NAB1: variants seen among roughly 807,000 people sequenced by gnomAD.
The protein encoded by NAB1 is NGFI-A binding protein 1.
In NAB1, 25 loss-of-function variants were observed where a neutral mutation model predicts 49.9. The ratio of observed to expected loss-of-function variants is 0.50; its 90% CI spans 0.37 to 0.70. NAB1 has a LOEUF of 0.70. Among genes scored for constraint, NAB1 ranks in the 30% least tolerant of loss-of-function variants. NAB1 has a pLI of 0.00. For missense variants in NAB1, 489 were observed against 575.9 expected (o/e 0.85, Z 1.54); for synonymous variants, 198 against 215.6 (o/e 0.92, Z 0.71).
Position 190,659,064 on chromosome 2 carries a change from G to GT in NAB1, c.-19-89dup. ...GGCAGTCACGATGCAGATGCTTCTCGTTTTTGTTCTTAAAACCTGTAGTGT... is the reference window on the plus strand; with the variant it reads ...GGCAGTCACGATGCAGATGCTTCTCGTTTTTTGTTCTTAAAACCTGTAGTGT... On this transcript the variant is annotated intron_variant, in intron 3 of 9. Transcript: ENST00000337386. The surrounding 1 kb of genome is among the most constrained non-coding windows in gnomAD (Gnocchi z 6.2). The GT allele has an allele frequency of 1.3e-6, 1 of 786,156 alleles. No individual in the cohort carries two copies. Among genetic ancestry groups the GT allele is most frequent in the Non-Finnish European group, 2.0e-6 (1 of 504,248 alleles). The allele number at this position is 786,156 out of a possible 1,614,324, so 48.7% of individuals were successfully genotyped here.
intron 5 of NAB1, among the ~76,000 whole-genome samples, chr2:190,671,240 CACATTCTTTGGGGATGGA>C (rs1430439255): frequency 2.6e-5 from 4 of 152,148 alleles, no homozygotes; most frequent in Non-Finnish European, 1.5e-5. Flanking sequence ...CCTAATCAAT[CACATTCTTTGGGGATGGA>C]ACTCTGGAAT....
intron 4 of NAB1, among the ~76,000 whole-genome samples, chr2:190,664,996 A>T (rs965041451): frequency 9.2e-5 from 14 of 152,052 alleles, no homozygotes; most frequent in Non-Finnish European, 5.9e-5. Context: ...GCTTCCTTCT[A>T]TCGAAAGCTC....
chr2:190,673,984 CT>C, intron 6 of NAB1, among the ~76,000 whole-genome samples: 1 of 152,266 alleles, frequency 6.6e-6, no homozygotes, highest in South Asian at 2.1e-4. Flanking sequence ...CTTAGCCATC[CT>C]ATTATTTAAT....
At chr2:190,662,145 T>G (rs1340069332) in intron 4 of NAB1, among the ~76,000 whole-genome samples, 2 of 152,188 alleles carry the variant, frequency 1.3e-5, no homozygotes, top group East Asian at 3.8e-4. Flanking sequence ...GAGGATTTTC[T>G]TCATATAAAT....
Position 190,673,584 on chromosome 2 carries a change from AT to A in NAB1, c.1005+435del, listed in dbSNP as rs1694928329. 2.6e-5 allele frequency among the ~76,000 whole-genome samples: 4 copies of A among 152,306 alleles called. No homozygotes were observed. In the South Asian group the frequency reaches 8.3e-4, roughly 32 times the overall value. On this transcript the variant is annotated intron_variant, in intron 6 of 9. Transcript: ENST00000337386. ...GATTTGCAATCGGTGTTTCTTACAG[AT>A]TTAAAACTTCACGGGTTAAACCATT...
chr2:190,685,775 G>T lies in NAB1; in HGVS notation c.1258+137G>T, dbSNP rs1574480736. 1.3e-5 allele frequency: 10 copies of T among 751,280 alleles called. No homozygotes were observed. In the East Asian group the frequency reaches 2.4e-4, roughly 18 times the overall value. 46.5% of individuals were successfully genotyped at this position (751,280 alleles called of 1,614,324 possible). A position where few individuals can be genotyped will look rare whatever the true frequency, so the allele number is the denominator to read the frequency against. ...GGTTCTCTTATCAAAATTATTTTTT[G>T]AATTCTTCATTTTTCTAAAAAGATA... On this transcript the variant is annotated intron_variant, in intron 8 of 9. Transcript: ENST00000337386. This position sits in a 1 kb window ranked among gnomAD's most constrained non-coding sequence, Gnocchi z 4.5.
At chr2:190,671,269 C>T (rs1211854619) in intron 5 of NAB1, among the ~76,000 whole-genome samples, 1 of 152,182 alleles carries the variant, frequency 6.6e-6, no homozygotes, top group African/African-American at 2.4e-5. Flanking sequence ...ACTCTGGAAT[C>T]TGAACTTTCA....
Position 190,675,800 on chromosome 2 carries a change from C to G in NAB1, c.1005+2648C>G, listed in dbSNP as rs1278745110. Among the ~76,000 whole-genome samples, 1 of 152,064 alleles carries G rather than the reference C, an allele frequency of 6.6e-6. No homozygotes were observed. The highest frequency in any genetic ancestry group is 2.4e-5 in the African/African-American group (1 of 41,412). Reference sequence around the variant, plus strand: ...TTGTTGGTTTGTTTTTAATTTTGTTCTGTTCCTCTTTCTTAAAAAGCACTT... The same window carrying G: ...TTGTTGGTTTGTTTTTAATTTTGTTGTGTTCCTCTTTCTTAAAAAGCACTT... On this transcript the variant is annotated intron_variant, in intron 6 of 9. Coordinates refer to ENST00000337386, the MANE Select transcript of NAB1 (RefSeq NM_005966.4). This position sits in a 1 kb window ranked among gnomAD's most constrained non-coding sequence, Gnocchi z 5.2.
rs768338741 is a variant in NAB1 at position 190,680,343 on chromosome 2, A to G, written c.1006-3395A>G. On this transcript the variant is annotated intron_variant, in intron 6 of 9. Transcript: ENST00000337386. The surrounding 1 kb of genome is among the most constrained non-coding windows in gnomAD (Gnocchi z 5.2). ...CTCACCACTCCCTCTTTTTCAGTGT[A>G]TATTGAATATTTTCCGGCTTCCCAG... 2.0e-5 allele frequency among the ~76,000 whole-genome samples: 3 copies of G among 152,266 alleles called. No individual in the cohort carries two copies. The Middle Eastern group carries it at 0.01, about 518-fold the overall frequency.
Position 190,685,802 on chromosome 2 carries a change from T to G in NAB1, c.1258+164T>G, listed in dbSNP as rs139242335. On this transcript the variant is annotated intron_variant, in intron 8 of 9. Transcript: ENST00000337386. The surrounding 1 kb of genome is among the most constrained non-coding windows in gnomAD (Gnocchi z 4.5). Reference sequence around the variant, plus strand: ...ATTCTTCATTTTTCTAAAAAGATAATTTATCCTGCAAATTTTAATTTGTAA... The same window carrying G: ...ATTCTTCATTTTTCTAAAAAGATAAGTTATCCTGCAAATTTTAATTTGTAA... The G allele has an allele frequency of 2.1e-5, 13 of 606,928 alleles. No homozygotes were observed. The highest frequency in any genetic ancestry group is 5.0e-4 in the Middle Eastern group (1 of 1,994). 37.6% of individuals were successfully genotyped at this position (606,928 alleles called of 1,614,324 possible).
rs1319695659 is a variant in NAB1 at position 190,666,517 on chromosome 2, G to A, written c.820-3809G>A. 4.6e-5 allele frequency among the ~76,000 whole-genome samples: 7 copies of A among 151,976 alleles called. No homozygotes were observed. The highest frequency in any genetic ancestry group is 1.5e-4 in the African/African-American group (6 of 41,344). On this transcript the variant is annotated intron_variant, in intron 4 of 9. Coordinates refer to ENST00000337386, the MANE Select transcript of NAB1 (RefSeq NM_005966.4). This position sits in a 1 kb window ranked among gnomAD's most constrained non-coding sequence, Gnocchi z 5.6. ...AGGTCAGGAGTTCGAGACCAGCCTG[G>A]CCAACATGATGAAACCCCGTCTGTA...
Position 190,670,025 on chromosome 2 carries a change from A to AT in NAB1, c.820-295dup, listed in dbSNP as rs1694725274. Among the ~76,000 whole-genome samples, 2 of 152,064 alleles carry AT rather than the reference A, an allele frequency of 1.3e-5. No individual in the cohort carries two copies. The highest frequency in any genetic ancestry group is 6.6e-5 in the Admixed American group (1 of 15,260). On this transcript the variant is annotated intron_variant, in intron 4 of 9. Transcript: ENST00000337386. This position sits in a 1 kb window ranked among gnomAD's most constrained non-coding sequence, Gnocchi z 5.3. Reference sequence around the variant, plus strand: ...TTTTTTTATAAGCGAGTTGCAGAATATTTTTTACTTTTTATTTTCCTTGTC... The same window carrying AT: ...TTTTTTTATAAGCGAGTTGCAGAATATTTTTTTACTTTTTATTTTCCTTGTC...
chr2:190,659,078 A>T lies in NAB1; in HGVS notation c.-19-80A>T. 1 of 920,754 alleles carries T rather than the reference A, an allele frequency of 1.1e-6. No homozygotes were observed. Among genetic ancestry groups the T allele is most frequent in the Non-Finnish European group, 1.6e-6 (1 of 622,330 alleles). The allele number at this position is 920,754 out of a possible 1,614,324, so 57.0% of individuals were successfully genotyped here. A position where few individuals can be genotyped will look rare whatever the true frequency, so the allele number is the denominator to read the frequency against. ...AGATGCTTCTCGTTTTTGTTCTTAAAACCTGTAGTGTAACCTATTTGGTGT... is the reference window on the plus strand; with the variant it reads ...AGATGCTTCTCGTTTTTGTTCTTAATACCTGTAGTGTAACCTATTTGGTGT... On this transcript the variant is annotated intron_variant, in intron 3 of 9. Coordinates refer to ENST00000337386, the MANE Select transcript of NAB1 (RefSeq NM_005966.4). This position sits in a 1 kb window ranked among gnomAD's most constrained non-coding sequence, Gnocchi z 6.2.
rs1442353784 is a variant in NAB1 at position 190,678,464 on chromosome 2, C to T, written c.1006-5274C>T. Among the ~76,000 whole-genome samples the T allele has an allele frequency of 6.6e-6, 1 of 152,202 alleles. No individual in the cohort carries two copies. Among genetic ancestry groups the T allele is most frequent in the Non-Finnish European group, 1.5e-5 (1 of 68,046 alleles). ...TGACTAACTGGACTGAGTGCTATTT[C>T]TCATTTGAGTTTTCTTCATTCGCTG... On this transcript the variant is annotated intron_variant, in intron 6 of 9. Coordinates refer to ENST00000337386, the MANE Select transcript of NAB1 (RefSeq NM_005966.4). This position sits in a 1 kb window ranked among gnomAD's most constrained non-coding sequence, Gnocchi z 4.9.
At position 190,649,111 on chromosome 2, in the gene NAB1, G is replaced by C. The variant is rs1376100974; in HGVS notation, c.-583G>C. On this transcript the variant is annotated 5_prime_UTR_variant, in exon 1 of 10. Coordinates refer to ENST00000337386, the MANE Select transcript of NAB1 (RefSeq NM_005966.4). The surrounding 1 kb of genome is among the most constrained non-coding windows in gnomAD (Gnocchi z 6.1). ...GCCGCCGCCCGCGCGCCGCAGCCTG[G>C]AGGAGCCGCCGCCGCCGCCGCGGCC... 7.5e-6 allele frequency: 1 copy of C among 132,490 alleles called. No homozygotes were observed. The highest frequency in any genetic ancestry group is 2.3e-4 in the South Asian group (1 of 4,388). The allele number at this position is 132,490 out of a possible 1,614,324, so 8.2% of individuals were successfully genotyped here.
rs1694899728 is a variant in NAB1 at position 190,673,086 on chromosome 2, TCC to T, written c.954-12_954-11del. 6.3e-7 allele frequency: 1 copy of T among 1,574,946 alleles called. No individual in the cohort carries two copies. On this transcript the variant is annotated splice_polypyrimidine_tract_variant and intron_variant, in intron 5 of 9. Coordinates refer to ENST00000337386, the MANE Select transcript of NAB1 (RefSeq NM_005966.4). ...TCTCAAGTTTTTTTTTTTTTTTCTC[TCC>T]CCTTTCCCTTAGGTCAAAATGTGGA...
rs1488492523 is a variant in NAB1 at position 190,659,167 on chromosome 2, A to T, written c.-10A>T. ...TTTTTTTTTTTGGCAGGTTAAACCC[A>T]TCCAGAGTAATGGCTGCGGCCTTAC... On this transcript the variant is annotated 5_prime_UTR_variant, in exon 4 of 10. Transcript: ENST00000337386. The surrounding 1 kb of genome is among the most constrained non-coding windows in gnomAD (Gnocchi z 6.2). 11 of 1,593,360 alleles carry T rather than the reference A, an allele frequency of 6.9e-6. No homozygotes were observed. Among genetic ancestry groups the T allele is most frequent in the Non-Finnish European group, 9.4e-6 (11 of 1,168,356 alleles).
In NAB1 at chr2:190,691,381, A is replaced by C. The variant is rs2125912900; in HGVS notation, c.*1048A>C. On this transcript the variant is annotated 3_prime_UTR_variant, in exon 10 of 10. Transcript: ENST00000337386. This position sits in a 1 kb window ranked among gnomAD's most constrained non-coding sequence, Gnocchi z 4.1. Reference sequence around the variant, plus strand: ...GGACAATCACTGCATCCACATCTGTAGGCATATTTCTATGGAAGTTTAATT... The same window carrying C: ...GGACAATCACTGCATCCACATCTGTCGGCATATTTCTATGGAAGTTTAATT... 6.6e-6 allele frequency: 1 copy of C among 152,342 alleles called. No homozygotes were observed. The highest frequency in any genetic ancestry group is 1.5e-5 in the Non-Finnish European group (1 of 67,976). 9.4% of individuals were successfully genotyped at this position (152,342 alleles called of 1,614,324 possible).
rs559935076 is a variant in NAB1 at position 190,651,777 on chromosome 2, C to A, written c.-197+1795C>A. ...TCTTTGTAAAATTTACCTTTAAATG[C>A]AAAGCTGTGTTTTGGATGGAAGTGA... On this transcript the variant is annotated intron_variant, in intron 2 of 9. Transcript: ENST00000337386. This position sits in a 1 kb window ranked among gnomAD's most constrained non-coding sequence, Gnocchi z 4.3. 3.3e-5 allele frequency among the ~76,000 whole-genome samples: 5 copies of A among 152,104 alleles called. No homozygotes were observed. Among genetic ancestry groups the A allele is most frequent in the Non-Finnish European group, 7.4e-5 (5 of 68,012 alleles).
Sources: allele counts gnomAD v4.1 joint callset (sites outside exome capture counted in the v4.1 genomes callset), GRCh38; gene constraint gnomAD v4.1.1; non-coding constraint Gnocchi (gnomAD v3.1); transcripts MANE v1.5; gene names NCBI Gene and HGNC (gene_info 2026-07-23, HGNC 2026-07-21).